The following JAZF1 variants were observed in gnomAD, a reference collection of about 807,000 sequenced individuals.
JAZF1 encodes juxtaposed with another zinc finger protein 1.
JAZF1 carries 8 observed loss-of-function variants against 26.4 expected under a neutral mutation model. The observed-to-expected ratio is 0.30, with a 90% CI of 0.18 to 0.55. The LOEUF is 0.55. Among genes scored for constraint, JAZF1 ranks in the 20% least tolerant of loss-of-function variants. The pLI is 0.94. For synonymous variants in JAZF1, 126 were observed against 122.3 expected (o/e 1.03, Z -0.20); for missense variants, 199 against 322.0 (o/e 0.62, Z 2.92).
At chr7:27,887,563 G>C (rs187080390) in intron 3 of JAZF1, among the ~76,000 whole-genome samples, 1 of 151,978 alleles carries the variant, frequency 6.6e-6, no homozygotes, top group Non-Finnish European at 1.5e-5. Context: ...TTACAGGTGC[G>C]CACCAACATG....
chr7:27,877,087 T>A (rs1040310284), intron 3 of JAZF1, among the ~76,000 whole-genome samples: 2 of 152,178 alleles, frequency 1.3e-5, no homozygotes, highest in Admixed American at 1.3e-4. Flanking sequence ...GGCGCTAGAC[T>A]TTGGCAGAGG....
intron 1 of JAZF1, among the ~76,000 whole-genome samples, chr7:28,001,752 G>A (rs896768557): frequency 1.3e-5 from 2 of 151,522 alleles, no homozygotes; most frequent in Non-Finnish European, 2.9e-5. Flanking sequence ...GCAGAGCACT[G>A]AAGGTATAAA....
At chr7:28,044,807 A>G (rs147977539) in intron 1 of JAZF1, among the ~76,000 whole-genome samples, 1 of 152,250 alleles carries the variant, frequency 6.6e-6, no homozygotes, top group Non-Finnish European at 1.5e-5. Flanking sequence ...ACACCACCTA[A>G]TTGCTGGGAT....
At chr7:27,985,197 G>C (rs1244068932) in intron 2 of JAZF1, among the ~76,000 whole-genome samples, 1 of 152,134 alleles carries the variant, frequency 6.6e-6, no homozygotes, top group Non-Finnish European at 1.5e-5. Flanking sequence ...AAAATTGATA[G>C]ACTGCTAGCA....
chr7:27,940,159 T>C (rs1366280180), intron 2 of JAZF1, among the ~76,000 whole-genome samples: 2 of 152,164 alleles, frequency 1.3e-5, no homozygotes, highest in Admixed American at 6.5e-5. Flanking sequence ...ATGCCCCCGG[T>C]ACCATTCTCA....
chr7:28,048,972 CCCTTCCCTT>C (rs200476660), intron 1 of JAZF1, among the ~76,000 whole-genome samples: 1 of 142,068 alleles, frequency 7.0e-6, no homozygotes, highest in East Asian at 2.1e-4. Flanking sequence ...TTTTCTTTCT[CCCTTCCCTT>C]CCTTCCCTTC....
intron 1 of JAZF1, among the ~76,000 whole-genome samples, chr7:28,032,135 T>TA (rs1231871501): frequency 1.3e-5 from 2 of 152,202 alleles, no homozygotes; most frequent in African/African-American, 4.8e-5. Flanking sequence ...GATCTATGTT[T>TA]ATAGAAGTTC....
chr7:28,162,479 G>A (rs1389280151), intron 1 of JAZF1, among the ~76,000 whole-genome samples: 1 of 152,170 alleles, frequency 6.6e-6, no homozygotes, highest in Non-Finnish European at 1.5e-5. Flanking sequence ...GGGCCTATTT[G>A]TTACAACAGC....
At chr7:27,887,671 C>A (rs1390188522) in intron 3 of JAZF1, among the ~76,000 whole-genome samples, 2 of 152,190 alleles carry the variant, frequency 1.3e-5, no homozygotes, top group African/African-American at 4.8e-5. Flanking sequence ...CCGTCTTGGA[C>A]TCCCAAAGTG....
chr7:28,130,805 C>T (rs1398885826), intron 1 of JAZF1, among the ~76,000 whole-genome samples: 3 of 152,150 alleles, frequency 2.0e-5, no homozygotes, highest in Admixed American at 6.5e-5. Context: ...CTATTGCCCA[C>T]ACACAATATT....
intron 1 of JAZF1, among the ~76,000 whole-genome samples, chr7:28,049,281 A>G (rs1783552837): frequency 6.6e-6 from 1 of 151,564 alleles, no homozygotes; most frequent in Non-Finnish European, 1.5e-5. Context: ...ACAGGGTTTC[A>G]CCATACTGCC....
At chr7:28,106,365 C>A (rs964144386) in intron 1 of JAZF1, among the ~76,000 whole-genome samples, 2 of 152,150 alleles carry the variant, frequency 1.3e-5, no homozygotes, top group African/African-American at 2.4e-5. Context: ...CAACCTCTGA[C>A]GCAGACATGC....
intron 1 of JAZF1, among the ~76,000 whole-genome samples, chr7:28,073,955 G>A (rs1218225267): frequency 6.7e-6 from 1 of 149,406 alleles, no homozygotes; most frequent in Non-Finnish European, 1.5e-5. Flanking sequence ...AAGAGTAGAT[G>A]CTTGAAAAAA....
At chr7:28,064,760 A>G (rs1783853111) in intron 1 of JAZF1, among the ~76,000 whole-genome samples, 1 of 152,124 alleles carries the variant, frequency 6.6e-6, no homozygotes, top group Non-Finnish European at 1.5e-5. Flanking sequence ...TCCTCTAAAA[A>G]CTGCTCTGCT....
intron 1 of JAZF1, among the ~76,000 whole-genome samples, chr7:28,110,223 C>T (rs1193811364): frequency 6.6e-6 from 1 of 151,902 alleles, no homozygotes; most frequent in Non-Finnish European, 1.5e-5. Context: ...GTCAGGAGTT[C>T]GAGACCAGCC....
At chr7:28,106,468 G>C (rs937782639) in intron 1 of JAZF1, among the ~76,000 whole-genome samples, 1 of 152,052 alleles carries the variant, frequency 6.6e-6, no homozygotes, top group East Asian at 1.9e-4. Flanking sequence ...CGAGTTCTAG[G>C]GAGACACAGG....
chr7:28,139,220 C>T (rs1007828430), intron 1 of JAZF1, among the ~76,000 whole-genome samples: 19 of 152,190 alleles, frequency 1.2e-4, no homozygotes. Context: ...CCAAGTTTTT[C>T]ATGGAAACAC....
intron 1 of JAZF1, among the ~76,000 whole-genome samples, chr7:28,055,707 C>A (rs1354598955): frequency 2.0e-5 from 3 of 152,272 alleles, no homozygotes; most frequent in South Asian, 4.1e-4. Flanking sequence ...CTTGGAAGAG[C>A]GGCTGGCACA....
intron 3 of JAZF1, among the ~76,000 whole-genome samples, chr7:27,887,666 T>C (rs553316381): frequency 6.6e-6 from 1 of 152,216 alleles, no homozygotes; most frequent in Non-Finnish European, 1.5e-5. Flanking sequence ...TCTGTCCGTC[T>C]TGGACTCCCA....
Sources: allele counts gnomAD v4.1 joint callset (sites outside exome capture counted in the v4.1 genomes callset), GRCh38; gene constraint gnomAD v4.1.1; transcripts MANE v1.5; gene names NCBI Gene and HGNC (gene_info 2026-07-23, HGNC 2026-07-21).